MYO16: variants seen among roughly 807,000 people sequenced by gnomAD.
MYO16 encodes unconventional myosin-XVI.
A neutral mutation model predicts 205.3 loss-of-function variants in MYO16; 94 were observed. The observed-to-expected ratio is 0.46, with a 90% CI of 0.39 to 0.54. The LOEUF (loss-of-function observed/expected upper bound fraction) is 0.54. Among genes scored for constraint, MYO16 ranks in the 20% least tolerant of loss-of-function variants. The pLI is 0.00. For synonymous variants in MYO16, 988 were observed against 954.0 expected, an observed-to-expected ratio of 1.04 and a Z score of -0.66; for missense variants, 2,315 against 2,387.5, an observed-to-expected ratio of 0.97 and a Z score of 0.63.
At position 109,194,159 on chromosome 13, in the gene MYO16, A is replaced by G. The variant is rs546047910; in HGVS notation, c.5416-12450A>G. ...ACTTATGTCTTGTTACCCAATTTGA[A>G]TGAAAGCCCCTCGATGGAGGTGGTC... On this transcript the variant is annotated intron_variant, in intron 34 of 34. Coordinates refer to ENST00000457511, the MANE Select transcript of MYO16 (RefSeq NM_001198950.3). Among the ~76,000 whole-genome samples, 5 of 152,266 alleles carry G rather than the reference A, an allele frequency of 3.3e-5. No homozygotes were observed. In the South Asian group the frequency reaches 8.3e-4, roughly 25 times the overall value.
intron 21 of MYO16, among the ~76,000 whole-genome samples, chr13:108,999,152 A>G (rs910818064): frequency 6.6e-6 from 1 of 152,154 alleles, no homozygotes. Context: ...GATCCATGTA[A>G]TTTCACTCAC....
At chr13:108,742,881 T>C (rs1884952292) in intron 4 of MYO16, among the ~76,000 whole-genome samples, 1 of 152,336 alleles carries the variant, frequency 6.6e-6, no homozygotes, top group African/African-American at 2.4e-5. Flanking sequence ...TTTTGGATCA[T>C]GTGGTTTTTA....
At chr13:108,995,768 CTCA>C (rs1884982052) in intron 21 of MYO16, among the ~76,000 whole-genome samples, 2 of 152,314 alleles carry the variant, frequency 1.3e-5, no homozygotes, top group Admixed American at 1.3e-4. Flanking sequence ...AGGACATGAA[CTCA>C]TCATTTTTTA....
chr13:108,919,513 C>CTCCGTTCCTTGTCTCAGCACT (rs11270056), intron 16 of MYO16, among the ~76,000 whole-genome samples: 2 of 151,834 alleles, frequency 1.3e-5, no homozygotes, highest in Non-Finnish European at 2.9e-5. Flanking sequence ...TTGACATCTT[C>CTCCGTTCCTTGTCTCAGCACT]TCCTTTAGGG....
upstream of MYO16, among the ~76,000 whole-genome samples, chr13:108,627,228 A>C (rs1879776611): frequency 2.0e-5 from 3 of 152,098 alleles, no homozygotes; most frequent in African/African-American, 7.2e-5. Context: ...TAGTTCTACC[A>C]ATGTTTAGAG....
rs183335955 is a variant in MYO16, at chr13:109,049,703, G to A, written c.2873-2597G>A. ...TGTGGGTTCACTTATACATAGACCT[G>A]CTATAACTATAAATAATTATTTAAG... On this transcript the variant is annotated intron_variant, in intron 24 of 34. Transcript: ENST00000457511. Among the ~76,000 whole-genome samples, 48 of 151,762 alleles carry A rather than the reference G, an allele frequency of 3.2e-4. No individual in the cohort carries two copies. In the East Asian group the frequency reaches 7.5e-3, roughly 24 times the overall value.
intron 27 of MYO16, among the ~76,000 whole-genome samples, chr13:109,072,104 A>G (rs1887941375): frequency 6.6e-6 from 1 of 152,192 alleles, no homozygotes; most frequent in South Asian, 2.1e-4. Context: ...TTGAAGGTTC[A>G]TCTCAAAACA....
intron 23 of MYO16, among the ~76,000 whole-genome samples, chr13:109,027,090 G>T (rs1163926895): frequency 6.6e-6 from 1 of 152,084 alleles, no homozygotes; most frequent in African/African-American, 2.4e-5. Context: ...GTGTTGGCAG[G>T]GTTGGTTACT....
intron 22 of MYO16, among the ~76,000 whole-genome samples, chr13:109,013,236 G>T (rs561088075): frequency 6.6e-6 from 1 of 151,236 alleles, no homozygotes; most frequent in Admixed American, 6.6e-5. Context: ...CTGTCCTTGC[G>T]ATAGTTTGCT....
At chr13:108,753,412 T>C (rs1463191630) in intron 4 of MYO16, among the ~76,000 whole-genome samples, 1 of 145,810 alleles carries the variant, frequency 6.9e-6, no homozygotes, top group Non-Finnish European at 1.5e-5. Context: ...AATATAACCC[T>C]GTTTCTTGGA....
intron 4 of MYO16, among the ~76,000 whole-genome samples, chr13:108,754,336 G>C (rs1320985053): frequency 2.0e-5 from 3 of 152,144 alleles, no homozygotes; most frequent in Admixed American, 1.3e-4. Flanking sequence ...AACAAGCAGA[G>C]AATATCTAAG....
chr13:109,207,048 G>A lies in MYO16; in HGVS notation c.*212G>A. 1 of 537,074 alleles carries A rather than the reference G, an allele frequency of 1.9e-6. No homozygotes were observed. Among genetic ancestry groups the A allele is most frequent in the Non-Finnish European group, 3.3e-6 (1 of 300,512 alleles). 33.3% of individuals were successfully genotyped at this position (537,074 alleles called of 1,614,324 possible). A position where few individuals can be genotyped will look rare whatever the true frequency, so the allele number is the denominator to read the frequency against. On this transcript the variant is annotated 3_prime_UTR_variant, in exon 35 of 35. Transcript: ENST00000457511. ...GGTTCTTTCTTATCCATCTCGTGGT[G>A]ATACACTCTGATTTTCAAGCTCCTC...
At chr13:108,855,381 A>T in intron 10 of MYO16, 62 bp from the exon 11 acceptor site, 2 of 989,356 alleles carry the variant, frequency 2.0e-6, no homozygotes, top group Non-Finnish European at 2.9e-6. Context: ...TGGAACATCC[A>T]ACTGTGAAGA....
chr13:108,565,131 C>A, the MYO16 span, among the ~76,000 whole-genome samples: 1 of 152,120 alleles, frequency 6.6e-6, no homozygotes, highest in Admixed American at 6.6e-5. Flanking sequence ...CTTACCTATT[C>A]TCTATATTTT....
At chr13:108,836,322 C>T (rs1370565888) in intron 9 of MYO16, among the ~76,000 whole-genome samples, 1 of 152,162 alleles carries the variant, frequency 6.6e-6, no homozygotes, top group Admixed American at 6.5e-5. Context: ...GGAAACTTAG[C>T]CTAGACTTCA....
At chr13:108,695,936 T>A (rs140437881) in intron 2 of MYO16, among the ~76,000 whole-genome samples, 128 of 152,296 alleles carry the variant, frequency 8.4e-4, no homozygotes, top group African/African-American at 3.1e-3. Flanking sequence ...CATATGCAAC[T>A]GATGCAGAAC....
rs1285599881 is a variant in MYO16 at position 109,141,275 on chromosome 13, G to A, written c.5063G>A (p.Arg1688Lys). The stretch of plus-strand genomic sequence containing the variant: ...GCGCCCTACAGCCCTCCCAGCTCCA[G>A]GCCTCTCAGCAGCCCCCTGGACGAG... ...PPAPYSPPSSRPLSSPLDELA... is the reference protein window; with the variant it reads ...PPAPYSPPSSKPLSSPLDELA... Residue 1688 changes from arginine to lysine, a missense_variant, in exon 32 of 35, where the codon AGG becomes AAG. Arg to Lys is a conservative substitution (Grantham distance 26, BLOSUM62 2). This residue lies in a region of MYO16 where 1,097 missense variants were observed against 1,092.0 expected (regional missense o/e 1.00). Transcript: ENST00000457511. This position sits in a 1 kb window ranked among gnomAD's most constrained non-coding sequence, Gnocchi z 4.1. 2 of 1,601,980 alleles carry A rather than the reference G, an allele frequency of 1.2e-6. No individual in the cohort carries two copies. The highest frequency in any genetic ancestry group is 3.4e-5 in the Admixed American group (2 of 59,110).
the MYO16 span, among the ~76,000 whole-genome samples, chr13:108,532,207 A>AAAAT: frequency 6.6e-6 from 1 of 152,006 alleles, no homozygotes; most frequent in African/African-American, 2.4e-5. Context: ...CTCTGTCTCA[A>AAAAT]AAATAAATAA....
At chr13:108,965,181 G>C (rs1251987461) in intron 20 of MYO16, among the ~76,000 whole-genome samples, 2 of 152,060 alleles carry the variant, frequency 1.3e-5, no homozygotes, top group Non-Finnish European at 2.9e-5. Flanking sequence ...GGTAGATGTG[G>C]CCTTTTGTGC....
Sources: gnomAD v4.1 joint callset for allele counts (sites outside exome capture counted in the v4.1 genomes callset) on GRCh38, gnomAD v4.1.1 for gene constraint, gnomAD v4.1.1 regional missense constraint, Gnocchi (gnomAD v3.1) non-coding constraint, MANE v1.5 for transcripts, NCBI Gene and HGNC (gene_info 2026-07-23, HGNC 2026-07-21) for gene names.